MGAT5: variants seen among roughly 807,000 people sequenced by gnomAD.
MGAT5 encodes alpha-1,6-mannosylglycoprotein 6-beta-N-acetylglucosaminyltransferase, also known as alpha-1,6-mannosylglycoprotein 6-beta-N-acetylglucosaminyltransferase A.
Under a neutral mutation model 94.3 loss-of-function variants are expected in MGAT5, and 30 were observed. The observed-to-expected ratio is 0.32, with a 90% CI of 0.24 to 0.43. The LOEUF (loss-of-function observed/expected upper bound fraction) is 0.43. MGAT5 is among the 20% of genes least tolerant of loss of function. The pLI is 1.00. For synonymous variants in MGAT5, 310 were observed against 322.9 expected, an observed-to-expected ratio of 0.96 and a Z score of 0.43; for missense variants, 691 against 905.5, an observed-to-expected ratio of 0.76 and a Z score of 3.04.
chr2:134,193,813 T>C (rs1016241623), intron 1 of MGAT5, among the ~76,000 whole-genome samples: 5 of 151,920 alleles, frequency 3.3e-5, no homozygotes, highest in African/African-American at 1.2e-4. Context: ...TTCTGCTAGA[T>C]CCCATTTTTG....
chr2:134,306,368 A>G (rs1686330878), intron 2 of MGAT5, among the ~76,000 whole-genome samples: 1 of 152,170 alleles, frequency 6.6e-6, no homozygotes. Flanking sequence ...TAGAATATAT[A>G]TAGCATACAC....
chr2:134,357,758 C>A (rs1346104088), intron 9 of MGAT5, among the ~76,000 whole-genome samples: 1 of 151,876 alleles, frequency 6.6e-6, no homozygotes, highest in Non-Finnish European at 1.5e-5. Flanking sequence ...AAAATTTTAC[C>A]CTGAGGTGCC....
At chr2:134,342,791 C>CTGG (rs1485302597) in intron 7 of MGAT5, among the ~76,000 whole-genome samples, 1 of 151,528 alleles carries the variant, frequency 6.6e-6, no homozygotes, top group Admixed American at 6.6e-5. Flanking sequence ...AGTCACTCAT[C>CTGG]TGGTGTCTTC....
chr2:134,162,403 GTCTT>G (rs1480524210), intron 1 of MGAT5, among the ~76,000 whole-genome samples: 2 of 152,164 alleles, frequency 1.3e-5, no homozygotes, highest in East Asian at 3.9e-4. Flanking sequence ...CCAAAGGTGT[GTCTT>G]TCTTTTCTAG....
At chr2:134,221,092 A>C (rs774791597) in intron 1 of MGAT5, among the ~76,000 whole-genome samples, 1 of 152,226 alleles carries the variant, frequency 6.6e-6, no homozygotes, top group Middle Eastern at 3.2e-3. Flanking sequence ...AAAAAGAGTC[A>C]AACTCTGTAA....
intron 10 of MGAT5, among the ~76,000 whole-genome samples, chr2:134,388,259 A>G (rs1350137346): frequency 1.3e-5 from 2 of 152,220 alleles, no homozygotes; most frequent in Non-Finnish European, 2.9e-5. Flanking sequence ...AAAGAATTGT[A>G]TAATGAGCCC....
chr2:134,137,807 A>G (rs1334916386), intron 1 of MGAT5, among the ~76,000 whole-genome samples: 1 of 151,558 alleles, frequency 6.6e-6, no homozygotes, highest in African/African-American at 2.4e-5. Context: ...GTTACATTAC[A>G]TTATATTCTT....
intron 4 of MGAT5, among the ~76,000 whole-genome samples, chr2:134,333,605 AG>A (rs928652723): frequency 8.0e-4 from 122 of 152,116 alleles, no homozygotes; most frequent in African/African-American, 2.9e-3. Context: ...ATAAAAAAAA[AG>A]AAGGTGGTGG....
intron 9 of MGAT5, among the ~76,000 whole-genome samples, chr2:134,359,603 G>A (rs561964349): frequency 1.3e-5 from 2 of 152,264 alleles, no homozygotes; most frequent in African/African-American, 2.4e-5. Context: ...CCTGCATCCC[G>A]TTTATGATGA....
chr2:134,417,362 T>C (rs1486039297), intron 12 of MGAT5, among the ~76,000 whole-genome samples: 2 of 151,936 alleles, frequency 1.3e-5, no homozygotes, highest in Admixed American at 1.3e-4. Flanking sequence ...TCACCAGTTT[T>C]TCCACCGAGA....
At chr2:134,337,249 A>AG (rs1300605694) in intron 5 of MGAT5, among the ~76,000 whole-genome samples, 1 of 152,192 alleles carries the variant, frequency 6.6e-6, no homozygotes, top group African/African-American at 2.4e-5. Context: ...CTGAGGCAGG[A>AG]GGATTGCTTG....
At chr2:134,282,923 T>C (rs1684785390) in intron 2 of MGAT5, among the ~76,000 whole-genome samples, 1 of 151,188 alleles carries the variant, frequency 6.6e-6, no homozygotes, top group Non-Finnish European at 1.5e-5. Flanking sequence ...TCTTCCTGGG[T>C]GCATTTAAGA....
At chr2:134,411,603 T>C (rs1361675085) in intron 11 of MGAT5, among the ~76,000 whole-genome samples, 4 of 152,252 alleles carry the variant, frequency 2.6e-5, no homozygotes, top group African/African-American at 9.6e-5. Flanking sequence ...TTCTCCAGTA[T>C]GTCACCCATG....
At chr2:134,283,140 G>T (rs755835838) in intron 2 of MGAT5, among the ~76,000 whole-genome samples, 1 of 152,164 alleles carries the variant, frequency 6.6e-6, no homozygotes, top group Non-Finnish European at 1.5e-5. Flanking sequence ...ACTTGTGTGC[G>T]CAGTACAGAC....
chr2:134,336,947 A>G (rs1688368345), intron 5 of MGAT5, among the ~76,000 whole-genome samples: 1 of 152,174 alleles, frequency 6.6e-6, no homozygotes, highest in Non-Finnish European at 1.5e-5. Context: ...CTTCTACAAA[A>G]TACCCAGATA....
intron 1 of MGAT5, among the ~76,000 whole-genome samples, chr2:134,248,564 A>G (rs532330554): frequency 9.2e-5 from 14 of 152,332 alleles, no homozygotes; most frequent in Admixed American, 2.0e-4. Flanking sequence ...AGGTTACTGT[A>G]CAGGATGAAG....
chr2:134,272,372 T>TTG (rs995158325), intron 2 of MGAT5, among the ~76,000 whole-genome samples: 1 of 151,950 alleles, frequency 6.6e-6, no homozygotes, highest in African/African-American at 2.4e-5. Flanking sequence ...GTGTTTTGTT[T>TTG]TTTTTTTCCT....
intron 12 of MGAT5, among the ~76,000 whole-genome samples, chr2:134,413,728 A>C (rs911195736): frequency 1.7e-4 from 26 of 152,334 alleles, no homozygotes; most frequent in African/African-American, 6.3e-4. Flanking sequence ...GATTATTTCT[A>C]TGTAGTTAGT....
At chr2:134,205,545 C>T (rs1679985725) in intron 1 of MGAT5, among the ~76,000 whole-genome samples, 1 of 152,104 alleles carries the variant, frequency 6.6e-6, no homozygotes, top group Non-Finnish European at 1.5e-5. Context: ...CTGCTTTGTG[C>T]GTCTGTCAGA....
Sources: allele counts gnomAD v4.1 joint callset (sites outside exome capture counted in the v4.1 genomes callset), GRCh38; gene constraint gnomAD v4.1.1; transcripts MANE v1.5; gene names NCBI Gene and HGNC (gene_info 2026-07-23, HGNC 2026-07-21).